The following SIL1 variants were observed in gnomAD, a reference collection of about 807,000 sequenced individuals.
SIL1 encodes the protein nucleotide exchange factor SIL1.
Under a neutral mutation model 49.1 loss-of-function variants are expected in SIL1, and 40 were observed. The observed-to-expected ratio is 0.81, with a 90% CI of 0.63 to 1.06. SIL1 has a LOEUF of 1.06. Among genes scored for constraint, SIL1 ranks in the 50% least tolerant of loss-of-function variants. The probability of loss-of-function intolerance (pLI) is 0.00; values close to 1 mark genes in which losing one functional copy is unlikely to be tolerated. For missense variants in SIL1, 500 were observed against 572.6 expected (o/e 0.87, Z 1.29); for synonymous variants, 253 against 250.8 (o/e 1.01, Z -0.08).
Position 138,947,492 on chromosome 5 carries a change from G to T in SIL1, c.1030-19C>A. Reference sequence around the variant, plus strand: ...CGAACATCTGCCATCCGCCACAGCCGCAGGCCAGGTAGGGTGGGGGTGGGG... The same window carrying T: ...CGAACATCTGCCATCCGCCACAGCCTCAGGCCAGGTAGGGTGGGGGTGGGG... On this transcript the variant is annotated intron_variant, in intron 9 of 9. Coordinates refer to ENST00000394817, the MANE Select transcript of SIL1 (RefSeq NM_022464.5). This position sits in a 1 kb window ranked among gnomAD's most constrained non-coding sequence, Gnocchi z 4.1. 6.2e-7 allele frequency: 1 copy of T among 1,608,610 alleles called. No individual in the cohort carries two copies. The highest frequency in any genetic ancestry group is 1.3e-5 in the African/African-American group (1 of 74,948).
At chr5:139,129,868 T>C (rs1304721133) in intron 1 of SIL1, among the ~76,000 whole-genome samples, 1 of 152,078 alleles carries the variant, frequency 6.6e-6, no homozygotes, top group Non-Finnish European at 1.5e-5. Context: ...AAAAGAAAAA[T>C]AGATATATTG....
chr5:138,971,754 C>T (rs1374481615), intron 7 of SIL1, among the ~76,000 whole-genome samples: 1 of 152,154 alleles, frequency 6.6e-6, no homozygotes, highest in African/African-American at 2.4e-5. Flanking sequence ...TAGAAAACTT[C>T]CCACATCCCC....
intron 3 of SIL1, among the ~76,000 whole-genome samples, chr5:139,056,485 G>A (rs1203047547): frequency 1.5e-4 from 18 of 120,470 alleles, no homozygotes; most frequent in Admixed American, 3.3e-4. Context: ...CAGCCACCCC[G>A]TCCGGGAGGG....
At chr5:139,034,685 T>G (rs1768864314) in intron 5 of SIL1, among the ~76,000 whole-genome samples, 5 of 152,234 alleles carry the variant, frequency 3.3e-5, no homozygotes. Context: ...GATCTTGTCA[T>G]AATTTTTGCT....
At chr5:139,142,935 A>AT (rs574516346) in intron 1 of SIL1, among the ~76,000 whole-genome samples, 161 of 151,530 alleles carry the variant, frequency 1.1e-3, no homozygotes, top group East Asian at 3.1e-3. Context: ...CGCCTGGCTA[A>AT]TTTTTTTTGT....
rs1767252978 is a variant in SIL1 at position 138,970,802 on chromosome 5, T to A, written c.768-18918A>T. 2.0e-5 allele frequency among the ~76,000 whole-genome samples: 3 copies of A among 152,106 alleles called. No individual in the cohort carries two copies. The South Asian group carries it at 6.2e-4, about 32-fold the overall frequency. On this transcript the variant is annotated intron_variant, in intron 7 of 9. Transcript: ENST00000394817. Reference sequence around the variant, plus strand: ...CTGTAGTCCCAGCTACTAGGGAGGCTGAGGCAGGAGAATAGCTTGAACCTG... The same window carrying A: ...CTGTAGTCCCAGCTACTAGGGAGGCAGAGGCAGGAGAATAGCTTGAACCTG...
At chr5:138,989,064 C>T (rs148996590) in intron 7 of SIL1, among the ~76,000 whole-genome samples, 5 of 152,118 alleles carry the variant, frequency 3.3e-5, no homozygotes, top group Middle Eastern at 3.2e-3. Flanking sequence ...CAAAGGGACA[C>T]GGTGGAAGGA....
intron 7 of SIL1, among the ~76,000 whole-genome samples, chr5:138,989,284 C>G (rs1321693026): frequency 6.6e-6 from 1 of 152,222 alleles, no homozygotes; most frequent in Non-Finnish European, 1.5e-5. Context: ...CATGGTGGCT[C>G]ACACCTGTAA....
At chr5:139,196,713 A>T (rs1022520428) in intron 1 of SIL1, among the ~76,000 whole-genome samples, 1 of 152,210 alleles carries the variant, frequency 6.6e-6, no homozygotes. Flanking sequence ...TTCACTAAAC[A>T]AATGAAAGAA....
chr5:139,061,011 C>T (rs964192875), intron 3 of SIL1, among the ~76,000 whole-genome samples: 5 of 152,200 alleles, frequency 3.3e-5, no homozygotes, highest in Non-Finnish European at 7.4e-5. Context: ...TGTAAGAAAA[C>T]ATGAATGGTG....
chr5:139,174,937 C>CAAAAAAAAAA (rs56959325), intron 1 of SIL1, among the ~76,000 whole-genome samples: 5 of 59,836 alleles, frequency 8.4e-5, no homozygotes, highest in African/African-American at 1.6e-4. Context: ...GACTGTGTCT[C>CAAAAAAAAAA]AAAAAAAAAA....
intron 4 of SIL1, among the ~76,000 whole-genome samples, chr5:139,044,238 C>T (rs746248808): frequency 2.6e-5 from 4 of 152,182 alleles, no homozygotes; most frequent in African/African-American, 4.8e-5. Flanking sequence ...GAATCCCTCT[C>T]CCTACAGAGC....
intron 3 of SIL1, among the ~76,000 whole-genome samples, chr5:139,075,426 A>G (rs556743463): frequency 6.6e-6 from 1 of 152,348 alleles, no homozygotes; most frequent in East Asian, 1.9e-4. Context: ...TTTTCTGAGT[A>G]TGTAGCAACC....
intron 1 of SIL1, among the ~76,000 whole-genome samples, chr5:139,160,406 T>C (rs1163926033): frequency 6.6e-6 from 1 of 152,152 alleles, no homozygotes; most frequent in Non-Finnish European, 1.5e-5. Context: ...AGCAGAGCCT[T>C]AATAATGATT....
At chr5:139,117,274 G>A (rs1022060297) in intron 3 of SIL1, among the ~76,000 whole-genome samples, 9 of 152,228 alleles carry the variant, frequency 5.9e-5, no homozygotes, top group Admixed American at 5.2e-4. Flanking sequence ...CTGGGGCTTA[G>A]AGCCAGACAA....
At chr5:138,994,738 A>G (rs1360683017) in intron 7 of SIL1, among the ~76,000 whole-genome samples, 1 of 152,194 alleles carries the variant, frequency 6.6e-6, no homozygotes, top group Non-Finnish European at 1.5e-5. Context: ...CGTACAGGAC[A>G]TGCAAGTTTG....
Position 138,951,126 on chromosome 5 carries a change from C to T in SIL1, c.1029+45G>A. ...CTGTCTGTCCATCCACCCAGAAGCA[C>T]ACACAAAGCAAACAAGAGGAGACTG... On this transcript the variant is annotated intron_variant, in intron 9 of 9. Transcript: ENST00000394817. The T allele has an allele frequency of 2.5e-6, 4 of 1,598,822 alleles. No homozygotes were observed. The East Asian group carries it at 9.0e-5, about 36-fold the overall frequency.
chr5:139,161,939 G>C (rs527362249), intron 1 of SIL1, among the ~76,000 whole-genome samples: 8 of 152,106 alleles, frequency 5.3e-5, no homozygotes, highest in Non-Finnish European at 1.0e-4. Context: ...TCTGAGGCTG[G>C]GAAGTGGTCG....
At chr5:139,063,637 T>C (rs554085571) in intron 3 of SIL1, among the ~76,000 whole-genome samples, 62 of 152,352 alleles carry the variant, frequency 4.1e-4, no homozygotes, top group African/African-American at 1.4e-3. Context: ...TGAGCTTTAC[T>C]TCATAATAAG....
Sources: allele counts gnomAD v4.1 joint callset (sites outside exome capture counted in the v4.1 genomes callset), GRCh38; gene constraint gnomAD v4.1.1; non-coding constraint Gnocchi (gnomAD v3.1); transcripts MANE v1.5; gene names NCBI Gene and HGNC (gene_info 2026-07-23, HGNC 2026-07-21).